Variants in GLB1 observed in about 807,000 individuals in gnomAD.
GLB1 encodes beta-galactosidase.
A neutral mutation model predicts 74.0 loss-of-function variants in GLB1; 56 were observed. The ratio of observed to expected loss-of-function variants is 0.76; its 90% confidence interval spans 0.61 to 0.94. The LOEUF is 0.94. Ranked by LOEUF, GLB1 falls within the 40% of genes least tolerant of loss-of-function variation. The pLI is 0.00. For missense variants in GLB1, 787 were observed against 845.5 expected (o/e 0.93, Z 0.86); for synonymous variants, 323 against 323.6 (o/e 1.00, Z 0.02).
At chr3:32,966,244 A>G in the GLB1 span, among the ~76,000 whole-genome samples, 1 of 152,350 alleles carries the variant, frequency 6.6e-6, no homozygotes, top group African/African-American at 2.4e-5. Flanking sequence ...ATACCCTGCA[A>G]AGCCACAGGG....
intron 1 of GLB1, chr3:33,092,449 AG>A: frequency 9.9e-7 from 1 of 1,009,936 alleles, no homozygotes; most frequent in Non-Finnish European, 1.2e-6. Context: ...AAACACCAGG[AG>A]AAAAATGCTC....
downstream of GLB1, among the ~76,000 whole-genome samples, chr3:32,994,920 C>CAA (rs56169200): frequency 0.044 from 5,060 of 115,242 alleles, 127 homozygotes; most frequent in Non-Finnish European, 0.058. Flanking sequence ...GACTCTGTTT[C>CAA]AAAAAAAAAA....
At chr3:32,979,639 G>A in the GLB1 span, among the ~76,000 whole-genome samples, 1,238 of 151,782 alleles carry the variant, frequency 8.2e-3, 6 homozygotes, top group African/African-American at 0.015. Flanking sequence ...GATTTCTTGC[G>A]AATAAGACTT....
downstream of GLB1, among the ~76,000 whole-genome samples, chr3:32,993,522 A>ATTTTTTTTTTTTTTTT (rs746774682): frequency 1.6e-5 from 1 of 62,256 alleles, no homozygotes; most frequent in Non-Finnish European, 2.9e-5. Context: ...CATCCAGCTA[A>ATTTTTTTTTTTTTTTT]TTTTTTTTTT....
chr3:32,986,279 C>A, the GLB1 span, among the ~76,000 whole-genome samples: 1 of 151,480 alleles, frequency 6.6e-6, no homozygotes, highest in Non-Finnish European at 1.5e-5. Flanking sequence ...AAACACTGGG[C>A]AATAGAGACC....
At chr3:33,073,178 C>T (rs148565645) in intron 1 of GLB1, among the ~76,000 whole-genome samples, 2,108 of 152,222 alleles carry the variant, frequency 0.014, 20 homozygotes, top group South Asian at 0.017. Flanking sequence ...TGGATTAAAA[C>T]TCCAGAGCCT....
chr3:33,031,204 CT>C (rs1487072039), intron 10 of GLB1, among the ~76,000 whole-genome samples: 2 of 152,120 alleles, frequency 1.3e-5, no homozygotes, highest in Non-Finnish European at 2.9e-5. Flanking sequence ...ACATATTCCG[CT>C]TTTTGAGTCT....
intron 15 of GLB1, among the ~76,000 whole-genome samples, chr3:33,009,846 T>C (rs550209482): frequency 6.6e-6 from 1 of 152,342 alleles, no homozygotes; most frequent in Admixed American, 6.5e-5. Context: ...ACATTTCATA[T>C]AAATGGAGTC....
chr3:33,046,018 A>C, intron 10 of GLB1, 102 bp downstream of exon 10: 1 of 1,420,832 alleles, frequency 7.0e-7, no homozygotes, highest in East Asian at 2.4e-5. Flanking sequence ...CCATCCTTTT[A>C]AACAGGAGGG....
chr3:33,025,995 C>A (rs1697732971), intron 10 of GLB1, among the ~76,000 whole-genome samples: 1 of 152,176 alleles, frequency 6.6e-6, no homozygotes. Context: ...TGGGCCGAGT[C>A]ACCCGCTGGT....
At chr3:33,066,155 A>T (rs1238743958) in intron 4 of GLB1, among the ~76,000 whole-genome samples, 4 of 152,094 alleles carry the variant, frequency 2.6e-5, no homozygotes, top group African/African-American at 9.7e-5. Flanking sequence ...GACGAGGACC[A>T]GTGTGCCTGT....
intron 5 of GLB1, among the ~76,000 whole-genome samples, chr3:33,060,754 T>C (rs925209646): frequency 3.3e-5 from 5 of 152,256 alleles, no homozygotes; most frequent in Admixed American, 3.3e-4. Context: ...CTTAGAGTTC[T>C]AGTCACAGGC....
chr3:32,999,659 G>T (rs1295867748), intron 15 of GLB1, among the ~76,000 whole-genome samples: 1 of 152,106 alleles, frequency 6.6e-6, no homozygotes, highest in African/African-American at 2.4e-5. Context: ...TTGGGAGGGT[G>T]GAGAGAAGCA....
In GLB1 at chr3:33,000,035, T is replaced by C. The variant is rs375161640; in HGVS notation, c.1735-2691A>G. 2.2e-3 allele frequency among the ~76,000 whole-genome samples: 334 copies of C among 151,970 alleles called. 2 individuals are homozygous for C. Among genetic ancestry groups the C allele is most frequent in the Non-Finnish European group, 4.1e-3 (279 of 67,958 alleles). Reference sequence around the variant, plus strand: ...ATGCAGTGGCACCATCACGACTCACTGTAGTGTCAACCTCCCACCTTAGCC... The same window carrying C: ...ATGCAGTGGCACCATCACGACTCACCGTAGTGTCAACCTCCCACCTTAGCC... On this transcript the variant is annotated intron_variant, in intron 15 of 15. Transcript: ENST00000307363.
In GLB1 at chr3:33,093,391, G is replaced by C. The variant is rs1340067295; in HGVS notation, c.75+3620C>G. 19 of 1,614,202 alleles carry C rather than the reference G, an allele frequency of 1.2e-5. No homozygotes were observed. Among genetic ancestry groups the C allele is most frequent in the Non-Finnish European group, 1.6e-5 (19 of 1,180,046 alleles). On this transcript the variant is annotated intron_variant, in intron 1 of 15. Transcript: ENST00000307363. This position sits in a 1 kb window ranked among gnomAD's most constrained non-coding sequence, Gnocchi z 6.0. ...TTGCCTGTGACGAAGTAGGCACCGA[G>C]ATGTGAATGAAGCTGGCCCAGAGGA...
At chr3:33,049,938 A>G (rs1296727910) in intron 9 of GLB1, among the ~76,000 whole-genome samples, 2 of 152,240 alleles carry the variant, frequency 1.3e-5, no homozygotes, top group African/African-American at 4.8e-5. Context: ...AAAAGATAGC[A>G]GTTCAAAGGA....
At chr3:33,047,941 T>C (rs975762044) in intron 9 of GLB1, among the ~76,000 whole-genome samples, 1 of 151,772 alleles carries the variant, frequency 6.6e-6, no homozygotes, top group African/African-American at 2.4e-5. Context: ...CATCCCTTCC[T>C]GTGAGACACA....
chr3:33,096,699 T>G, intron 1 of GLB1: 1 of 1,187,550 alleles, frequency 8.4e-7, no homozygotes, highest in Non-Finnish European at 1.0e-6. Flanking sequence ...AAAGCCAACT[T>G]AGGAAATGTT....
intron 10 of GLB1, among the ~76,000 whole-genome samples, chr3:33,043,844 GA>G (rs376478014): frequency 2.4e-3 from 254 of 104,996 alleles, no homozygotes; most frequent in African/African-American, 9.1e-3. Flanking sequence ...ACCAAAAAAA[GA>G]AAAAAAAAAA....
Sources: gnomAD v4.1 joint callset for allele counts (sites outside exome capture counted in the v4.1 genomes callset) on GRCh38, gnomAD v4.1.1 for gene constraint, Gnocchi (gnomAD v3.1) non-coding constraint, MANE v1.5 for transcripts, NCBI Gene and HGNC (gene_info 2026-07-23, HGNC 2026-07-21) for gene names.